The following NT5DC3 variants were observed in gnomAD, a reference collection of about 807,000 sequenced individuals.
The protein encoded by NT5DC3 is 5'-nucleotidase domain containing 3, also known as 5'-nucleotidase domain-containing protein 3.
A neutral mutation model predicts 67.8 loss-of-function variants in NT5DC3; 42 were observed. The observed-to-expected ratio is 0.62, with a 90% CI of 0.48 to 0.80. NT5DC3 has a LOEUF of 0.80. Ranked by LOEUF, NT5DC3 falls within the 30% of genes least tolerant of loss-of-function variation. The probability of loss-of-function intolerance (pLI) is 0.00; values close to 1 mark genes in which losing one functional copy is unlikely to be tolerated. For missense variants in NT5DC3, 570 were observed against 696.4 expected, an observed-to-expected ratio of 0.82 and a Z score of 2.04; for synonymous variants, 237 against 255.6, an observed-to-expected ratio of 0.93 and a Z score of 0.69.
At chr12:103,811,817 T>C (rs898030595) in intron 2 of NT5DC3, among the ~76,000 whole-genome samples, 2 of 152,174 alleles carry the variant, frequency 1.3e-5, no homozygotes, top group Admixed American at 1.3e-4. Flanking sequence ...GAACTCAGTA[T>C]TTGCAACCTT....
chr12:103,813,738 G>A (rs1206269581), intron 2 of NT5DC3, among the ~76,000 whole-genome samples: 2 of 152,124 alleles, frequency 1.3e-5, no homozygotes, highest in Admixed American at 6.5e-5. Flanking sequence ...TGACTAGGAC[G>A]ATGAAAAGAA....
rs1885841557 is a variant in NT5DC3, at chr12:103,787,472, T to C, written c.1157A>G (p.Tyr386Cys). The C allele has an allele frequency of 6.2e-7, 1 of 1,604,530 alleles. No individual in the cohort carries two copies. The highest frequency in any genetic ancestry group is 8.5e-7 in the Non-Finnish European group (1 of 1,174,542). Residue 386 changes from tyrosine (Y) to cysteine (C), a missense_variant, in exon 11 of 14, where the codon TAT becomes TGT. Physicochemically the swap from Tyr to Cys is radical, Grantham distance 194 (BLOSUM62 -2). Around this residue, in one of 2 missense-constraint regions of NT5DC3, gnomAD observed 466 missense variants for 608.0 expected, o/e 0.77. Transcript: ENST00000392876. ...GTCACTGTATATATGGTCACCAAAA[T>C]ACAACACTCTGGATCCTCTCCATCC... ...LTGWRGSRVLYFGDHIYSDLA... is the reference protein window; with the variant it reads ...LTGWRGSRVLCFGDHIYSDLA...
At chr12:103,788,797 C>T (rs1222669812) in intron 10 of NT5DC3, 41 bp downstream of exon 10, 1 of 1,353,290 alleles carries the variant, frequency 7.4e-7, no homozygotes, top group African/African-American at 1.4e-5. Context: ...TTACCGACCA[C>T]AAAGCAAAGC....
chr12:103,781,917 C>T (rs1250628675), intron 12 of NT5DC3, among the ~76,000 whole-genome samples: 1 of 152,206 alleles, frequency 6.6e-6, no homozygotes, highest in African/African-American at 2.4e-5. Flanking sequence ...AACAGATTGG[C>T]TACATATCTT....
At chr12:103,755,143 C>T in the NT5DC3 span, 760 of 965,966 alleles carry the variant, frequency 7.9e-4, 1 homozygote, top group Admixed American at 1.5e-3. Context: ...AATCAGTCAA[C>T]ATCTAATGAC....
Position 103,777,732 on chromosome 12 carries a change from G to T in NT5DC3, c.*97C>A. The stretch of plus-strand genomic sequence containing the variant: ...AAAATAAATATCAAAAGGCTTATCT[G>T]TATCTTTTCCAAAAGCAACACTCAG... On this transcript the variant is annotated 3_prime_UTR_variant, in exon 14 of 14. Coordinates refer to ENST00000392876, the MANE Select transcript of NT5DC3 (RefSeq NM_001031701.3). 1.5e-6 allele frequency: 2 copies of T among 1,327,762 alleles called. No individual in the cohort carries two copies. Among genetic ancestry groups the T allele is most frequent in the East Asian group, 2.3e-5 (1 of 43,274 alleles). The allele number at this position is 1,327,762 out of a possible 1,614,324, so 82.2% of individuals were successfully genotyped here.
At chr12:103,798,774 A>C (rs553488738) in intron 4 of NT5DC3, 97 bp from the exon 5 acceptor site, 4 of 832,548 alleles carry the variant, frequency 4.8e-6, no homozygotes, top group Admixed American at 2.4e-5. Flanking sequence ...TTGAGGTGCA[A>C]GGCACTGTCA....
At chr12:103,758,994 C>A in the NT5DC3 span, 1 of 1,436,716 alleles carries the variant, frequency 7.0e-7, no homozygotes, top group Non-Finnish European at 9.6e-7. Flanking sequence ...CTAAGAAAAC[C>A]TTGACATTTC....
At chr12:103,755,156 C>A in the NT5DC3 span, 1 of 1,107,322 alleles carries the variant, frequency 9.0e-7, no homozygotes, top group Non-Finnish European at 1.3e-6. Context: ...CTAATGACCA[C>A]CTACTGTGTG....
the NT5DC3 span, among the ~76,000 whole-genome samples, chr12:103,749,675 C>CAAA: frequency 1.5e-5 from 2 of 131,736 alleles, no homozygotes; most frequent in Non-Finnish European, 3.2e-5. Context: ...TAAAAAAATG[C>CAAA]AAAAAAAAAA....
In NT5DC3 at chr12:103,826,709, A is replaced by T. The variant is rs538541764; in HGVS notation, c.209-11588T>A. On this transcript the variant is annotated intron_variant, in intron 1 of 13. Transcript: ENST00000392876. Reference sequence around the variant, plus strand: ...ATTTGTGGTAATTTGTTACAGAAGCAATGAAAATTAAATACAGAGACAATC... The same window carrying T: ...ATTTGTGGTAATTTGTTACAGAAGCTATGAAAATTAAATACAGAGACAATC... Among the ~76,000 whole-genome samples, 9 of 152,348 alleles carry T rather than the reference A, an allele frequency of 5.9e-5. 1 individual carries two copies. The highest frequency in any genetic ancestry group is 2.6e-4 in the Admixed American group (4 of 15,302).
intron 10 of NT5DC3, 37 bp downstream of exon 10, chr12:103,788,801 G>C (rs754983173): frequency 5.1e-6 from 7 of 1,381,686 alleles, no homozygotes; most frequent in Non-Finnish European, 7.2e-6. Flanking sequence ...CGACCACAAA[G>C]CAAAGCAACA....
intron 1 of NT5DC3, among the ~76,000 whole-genome samples, chr12:103,822,307 T>C (rs1887523586): frequency 6.6e-6 from 1 of 152,034 alleles, no homozygotes; most frequent in Non-Finnish European, 1.5e-5. Context: ...GAGGTGAGTA[T>C]ATTAGACCAA....
chr12:103,784,807 G>A (rs1234898098), intron 12 of NT5DC3, among the ~76,000 whole-genome samples: 1 of 152,168 alleles, frequency 6.6e-6, no homozygotes, highest in Non-Finnish European at 1.5e-5. Flanking sequence ...CTTAACTTAA[G>A]GAAGTAACTG....
At chr12:103,759,196 C>G in the NT5DC3 span, 1 of 1,614,056 alleles carries the variant, frequency 6.2e-7, no homozygotes, top group Non-Finnish European at 8.5e-7. Flanking sequence ...CTACAATGAC[C>G]TTGTCAATGG....
At chr12:103,756,996 A>AAAAT in the NT5DC3 span, among the ~76,000 whole-genome samples, 5 of 56,380 alleles carry the variant, frequency 8.9e-5, no homozygotes, top group African/African-American at 3.1e-4. Flanking sequence ...AAGGAGGGAA[A>AAAAT]ATATATATAT....
downstream of NT5DC3, chr12:103,770,437 G>A (rs1321643283): frequency 2.7e-5 from 2 of 73,440 alleles, no homozygotes; most frequent in Non-Finnish European, 4.9e-5. Context: ...TTAAATAATT[G>A]ACTTTTTTTT....
At chr12:103,763,672 G>A in the NT5DC3 span, 46 of 1,405,890 alleles carry the variant, frequency 3.3e-5, no homozygotes, top group Non-Finnish European at 4.5e-5. Context: ...TGTCTTTTAG[G>A]AAATTTCAGT....
chr12:103,808,489 AT>A (rs1377078079), intron 2 of NT5DC3, among the ~76,000 whole-genome samples: 1 of 152,218 alleles, frequency 6.6e-6, no homozygotes, highest in African/African-American at 2.4e-5. Context: ...CCAGGGTTCC[AT>A]TTGTACAAAA....
Sources: gnomAD v4.1 joint callset for allele counts (sites outside exome capture counted in the v4.1 genomes callset) on GRCh38, gnomAD v4.1.1 for gene constraint, gnomAD v4.1.1 regional missense constraint, MANE v1.5 for transcripts, NCBI Gene and HGNC (gene_info 2026-07-23, HGNC 2026-07-21) for gene names.